Variants in FBXO33 observed in about 807,000 individuals in gnomAD.
FBXO33 encodes F-box only protein 33.
In FBXO33, 22 loss-of-function variants were observed where a neutral mutation model predicts 46.3. That is an observed-to-expected ratio of 0.48 (90% CI 0.34 to 0.68). The LOEUF is 0.68. FBXO33 is among the 30% of genes least tolerant of loss of function. FBXO33 has a pLI of 0.01. For synonymous variants in FBXO33, 337 were observed against 291.3 expected (o/e 1.16, Z -1.60); for missense variants, 692 against 708.8 (o/e 0.98, Z 0.27).
At chr14:39,406,242 T>C (rs1176221403) in intron 1 of FBXO33, among the ~76,000 whole-genome samples, 4 of 152,162 alleles carry the variant, frequency 2.6e-5, no homozygotes, top group Admixed American at 2.6e-4. Flanking sequence ...TAAGGTATTA[T>C]ATAAAGTAGA....
In FBXO33 at chr14:39,402,109, T is replaced by A. The variant is rs562583609; in HGVS notation, c.711-248A>T. 1.6e-4 allele frequency among the ~76,000 whole-genome samples: 24 copies of A among 152,322 alleles called. 1 individual carries two copies. The highest frequency in any genetic ancestry group is 6.2e-4 in the South Asian group (3 of 4,830). On this transcript the variant is annotated intron_variant, in intron 2 of 3. Transcript: ENST00000298097. ...GTTCCTCATCCAAGAAAAGCACCAC[T>A]TATACCCGTTTAGTAGAAAAGTAGG...
In FBXO33 at chr14:39,418,391, T is replaced by C. The variant is rs539062102; in HGVS notation, c.599+13173A>G. On this transcript the variant is annotated intron_variant, in intron 1 of 3. Transcript: ENST00000298097. ...AATTTTCTATTATTACAAGCACATA[T>C]TACTTAAGAACTCAGAAAAACATGT... is the stretch of plus-strand genomic sequence containing the variant. Among the ~76,000 whole-genome samples, 28 of 151,822 alleles carry C rather than the reference T, an allele frequency of 1.8e-4. No individual in the cohort carries two copies. In the South Asian group the frequency reaches 5.6e-3, roughly 31 times the overall value.
At chr14:39,407,573 A>G (rs1046770090) in intron 1 of FBXO33, among the ~76,000 whole-genome samples, 2 of 152,202 alleles carry the variant, frequency 1.3e-5, no homozygotes, top group African/African-American at 4.8e-5. Flanking sequence ...TGACTGGCTT[A>G]TTTCATGTAG....
At chr14:39,405,523 G>A (rs528054270) in intron 1 of FBXO33, among the ~76,000 whole-genome samples, 1 of 152,136 alleles carries the variant, frequency 6.6e-6, no homozygotes, top group African/African-American at 2.4e-5. Context: ...TGGTGGTGAA[G>A]TAAACAATGA....
At chr14:39,430,293 T>C (rs1005734586) in intron 1 of FBXO33, among the ~76,000 whole-genome samples, 1 of 152,230 alleles carries the variant, frequency 6.6e-6, no homozygotes, top group African/African-American at 2.4e-5. Flanking sequence ...ACTGGAATAA[T>C]GGAGCCATAT....
rs1377811032 is a variant in FBXO33 at position 39,401,306 on chromosome 14, G to A, written c.1266C>T (p.Leu422=). The A allele has an allele frequency of 6.2e-7, 1 of 1,614,046 alleles. No individual in the cohort carries two copies. The highest frequency in any genetic ancestry group is 1.1e-5 in the South Asian group (1 of 91,058). The change falls in exon 3 of 4, where the codon CTC becomes CTT. Residue 422 remains leucine (L), a synonymous_variant. Coordinates refer to ENST00000298097, the MANE Select transcript of FBXO33 (RefSeq NM_203301.4). ...CATCATTCATTAAAATAAAATGAGT[G>A]AGGAACTTGTCATATTGCCTGGATA... The part of the protein sequence containing the change: ...DLISRQYDKF[L]THFILMNDVI...
At chr14:39,428,640 G>A (rs1367497065) in intron 1 of FBXO33, among the ~76,000 whole-genome samples, 2 of 152,078 alleles carry the variant, frequency 1.3e-5, no homozygotes, top group Non-Finnish European at 2.9e-5. Context: ...CTACTCTTCA[G>A]GTATTTTTAG....
intron 1 of FBXO33, among the ~76,000 whole-genome samples, chr14:39,403,455 G>C (rs2075378006): frequency 1.3e-5 from 2 of 152,164 alleles, no homozygotes. Context: ...AATTGGCTGG[G>C]CGTGGTGGTA....
At chr14:39,405,260 A>G (rs2075389666) in intron 1 of FBXO33, among the ~76,000 whole-genome samples, 1 of 152,180 alleles carries the variant, frequency 6.6e-6, no homozygotes, top group South Asian at 2.1e-4. Flanking sequence ...TTAGTAATAG[A>G]GATGAGAGAT....
chr14:39,404,312 T>C (rs982282952), intron 1 of FBXO33, among the ~76,000 whole-genome samples: 4 of 152,070 alleles, frequency 2.6e-5, no homozygotes, highest in Non-Finnish European at 5.9e-5. Flanking sequence ...CGTCCCTAAA[T>C]TGATTTAAAT....
intron 1 of FBXO33, among the ~76,000 whole-genome samples, chr14:39,423,853 G>A (rs1259765736): frequency 1.3e-5 from 2 of 152,156 alleles, no homozygotes; most frequent in Non-Finnish European, 2.9e-5. Context: ...GGGGGCACAT[G>A]TACAGGTTAC....
At chr14:39,428,391 G>A (rs924392045) in intron 1 of FBXO33, among the ~76,000 whole-genome samples, 1 of 151,920 alleles carries the variant, frequency 6.6e-6, no homozygotes, top group Non-Finnish European at 1.5e-5. Flanking sequence ...AAAGAGATGG[G>A]GTTTTGCCAT....
At chr14:39,416,952 T>C (rs2075451471) in intron 1 of FBXO33, among the ~76,000 whole-genome samples, 1 of 152,294 alleles carries the variant, frequency 6.6e-6, no homozygotes, top group South Asian at 2.1e-4. Flanking sequence ...AAACAGTACT[T>C]TTTCCAGTCT....
intron 1 of FBXO33, among the ~76,000 whole-genome samples, chr14:39,411,300 G>C (rs1310222541): frequency 6.6e-6 from 1 of 151,780 alleles, no homozygotes; most frequent in Admixed American, 6.6e-5. Flanking sequence ...CACTATGTTG[G>C]CCTGGCTGGT....
chr14:39,401,642 T>C lies in FBXO33; in HGVS notation c.930A>G (p.Ser310=), dbSNP rs2075369062. The C allele has an allele frequency of 6.2e-7, 1 of 1,614,058 alleles. No homozygotes were observed. Among genetic ancestry groups the C allele is most frequent in the African/African-American group, 1.3e-5 (1 of 74,918 alleles). Residue 310 remains serine (S), a synonymous_variant, in exon 3 of 4, where the codon TCA becomes TCG. Coordinates refer to ENST00000298097, the MANE Select transcript of FBXO33 (RefSeq NM_203301.4). ...VELERFVNLH[S]LALDFCDFTA... is the part of the protein sequence containing the mutation. ...TAAAGTCACAAAAATCCAAGGCAAG[T>C]GAGTGCAGATTCACAAATCGCTCCA...
intron 3 of FBXO33, among the ~76,000 whole-genome samples, chr14:39,400,936 T>C (rs991068757): frequency 6.6e-6 from 1 of 152,190 alleles, no homozygotes; most frequent in African/African-American, 2.4e-5. Flanking sequence ...TTTTATGAAA[T>C]ACTGCCATTC....
chr14:39,431,651 G>A lies in FBXO33; in HGVS notation c.512C>T (p.Ala171Val). Residue 171 changes from alanine to valine, a missense_variant, in exon 1 of 4, where the codon GCC becomes GTC. Coordinates refer to ENST00000298097, the MANE Select transcript of FBXO33 (RefSeq NM_203301.4). ...CAGCCAACGAGCTGAGAGCTGCAGG[G>A]CCTCGACTTCCTCCCCTCCAGTCCC... ...DTGTGGEEVE[A>V]LQLSARWLEV... 1 of 1,613,618 alleles carries A rather than the reference G, an allele frequency of 6.2e-7. No homozygotes were observed. The highest frequency in any genetic ancestry group is 8.5e-7 in the Non-Finnish European group (1 of 1,180,024).
chr14:39,419,072 T>C (rs1456278157), intron 1 of FBXO33, among the ~76,000 whole-genome samples: 1 of 152,180 alleles, frequency 6.6e-6, no homozygotes, highest in Non-Finnish European at 1.5e-5. Flanking sequence ...TCCTCTCCTG[T>C]TGTAGATGAA....
At chr14:39,428,189 T>C (rs981304593) in intron 1 of FBXO33, among the ~76,000 whole-genome samples, 1 of 152,180 alleles carries the variant, frequency 6.6e-6, no homozygotes, top group Non-Finnish European at 1.5e-5. Flanking sequence ...TCTGGTCTGT[T>C]ACAATATGCA....
Sources: gnomAD v4.1 joint callset for allele counts (sites outside exome capture counted in the v4.1 genomes callset) on GRCh38, gnomAD v4.1.1 for gene constraint, MANE v1.5 for transcripts, NCBI Gene and HGNC (gene_info 2026-07-23, HGNC 2026-07-21) for gene names.